The following FTO variants were observed in gnomAD, a reference collection of about 807,000 sequenced individuals.
FTO encodes the protein alpha-ketoglutarate-dependent dioxygenase FTO.
Under a neutral mutation model 63.9 loss-of-function variants are expected in FTO, and 47 were observed. The ratio of observed to expected loss-of-function variants is 0.74; its 90% CI spans 0.58 to 0.94. The LOEUF (loss-of-function observed/expected upper bound fraction) is 0.94, where lower values mean the gene tolerates loss of function less well. Ranked by LOEUF, FTO falls within the 40% of genes least tolerant of loss-of-function variation. The probability of loss-of-function intolerance (pLI) is 0.00; values close to 1 mark genes in which losing one functional copy is unlikely to be tolerated. For synonymous variants in FTO, 207 were observed against 224.4 expected, an observed-to-expected ratio of 0.92 and a Z score of 0.69; for missense variants, 562 against 618.1, an observed-to-expected ratio of 0.91 and a Z score of 0.96.
chr16:53,740,984 G>C (rs1010358235), intron 1 of FTO, among the ~76,000 whole-genome samples: 1 of 152,170 alleles, frequency 6.6e-6, no homozygotes, highest in African/African-American at 2.4e-5. Flanking sequence ...CCTGCCACTT[G>C]TTTTTTAATC....
chr16:53,867,150 T>C (rs1249190968), intron 4 of FTO, among the ~76,000 whole-genome samples: 1 of 152,140 alleles, frequency 6.6e-6, no homozygotes, highest in Non-Finnish European at 1.5e-5. Flanking sequence ...TAGAAGTATA[T>C]TGTTCTATCT....
intron 1 of FTO, among the ~76,000 whole-genome samples, chr16:53,704,547 A>T (rs1294689848): frequency 1.3e-5 from 2 of 152,164 alleles, no homozygotes; most frequent in Admixed American, 6.5e-5. Flanking sequence ...GATGACTGTG[A>T]TCATACCAGC....
chr16:53,706,572 T>C (rs2075627332), intron 1 of FTO, among the ~76,000 whole-genome samples: 1 of 152,346 alleles, frequency 6.6e-6, no homozygotes, highest in South Asian at 2.1e-4. Context: ...AATGATTTTT[T>C]TTTCAAAATA....
intron 8 of FTO, among the ~76,000 whole-genome samples, chr16:53,966,373 C>T (rs1489817921): frequency 1.3e-5 from 2 of 152,182 alleles, no homozygotes; most frequent in Non-Finnish European, 2.9e-5. Flanking sequence ...TTGATTATGA[C>T]AGAATGCCAG....
chr16:54,056,112 C>T (rs746415544), intron 8 of FTO, among the ~76,000 whole-genome samples: 3 of 152,116 alleles, frequency 2.0e-5, no homozygotes, highest in Admixed American at 6.6e-5. Context: ...ATGACTAGTG[C>T]GTAACAATAG....
At chr16:53,793,717 C>T (rs760085868) in intron 1 of FTO, among the ~76,000 whole-genome samples, 34 of 151,878 alleles carry the variant, frequency 2.2e-4, no homozygotes, top group Non-Finnish European at 4.1e-4. Context: ...GAGCCGAGAG[C>T]GAGACTCCGT....
chr16:54,072,139 C>T (rs549302597), intron 8 of FTO: 2 of 152,124 alleles, frequency 1.3e-5, no homozygotes, highest in East Asian at 1.9e-4. Flanking sequence ...GAAGGCATGC[C>T]GGCAAAATAA....
At chr16:53,851,661 A>G (rs1447963419) in intron 4 of FTO, among the ~76,000 whole-genome samples, 1 of 152,176 alleles carries the variant, frequency 6.6e-6, no homozygotes, top group African/African-American at 2.4e-5. Context: ...TGTATTTTTA[A>G]AAAACATAAA....
At chr16:53,769,662 T>A (rs1558902) in intron 1 of FTO, among the ~76,000 whole-genome samples, 46,845 of 151,962 alleles carry the variant, frequency 0.31, 8,797 homozygotes, top group Non-Finnish European at 0.42. Flanking sequence ...TTTACATTAG[T>A]TAGGGTAGGT....
chr16:54,056,867 G>C (rs561101985), intron 8 of FTO, among the ~76,000 whole-genome samples: 1 of 152,210 alleles, frequency 6.6e-6, no homozygotes, highest in Non-Finnish European at 1.5e-5. Flanking sequence ...GAGGTAATTT[G>C]TTACCCGGCA....
Position 54,010,793 on chromosome 16 carries a change from G to A in FTO, c.1364+76684G>A, listed in dbSNP as rs931567431. Among the ~76,000 whole-genome samples the A allele has an allele frequency of 2.0e-5, 3 of 152,176 alleles. No individual in the cohort carries two copies. The East Asian group carries it at 5.8e-4, about 29-fold the overall frequency. On this transcript the variant is annotated intron_variant, in intron 8 of 8. Transcript: ENST00000471389. ...TGAACGGCCAGGTGTTCTTTCAACT[G>A]AACTGTGAGACTAATTTCTTCCTGG...
At chr16:53,845,789 C>G (rs2079601441) in intron 4 of FTO, among the ~76,000 whole-genome samples, 1 of 152,218 alleles carries the variant, frequency 6.6e-6, no homozygotes, top group Non-Finnish European at 1.5e-5. Context: ...TGGTACCAGT[C>G]TGAGACTTTC....
At chr16:53,853,928 A>G (rs2079894318) in intron 4 of FTO, among the ~76,000 whole-genome samples, 1 of 152,132 alleles carries the variant, frequency 6.6e-6, no homozygotes, top group Non-Finnish European at 1.5e-5. Context: ...AGTAATTTAC[A>G]TTTCCACCCC....
intron 8 of FTO, among the ~76,000 whole-genome samples, chr16:53,985,670 G>A (rs1034583119): frequency 4.6e-5 from 7 of 152,152 alleles, no homozygotes; most frequent in Non-Finnish European, 8.8e-5. Flanking sequence ...ACCAAATGTA[G>A]GGCCCGAGTG....
intron 8 of FTO, among the ~76,000 whole-genome samples, chr16:53,972,980 A>G (rs1263524915): frequency 2.0e-5 from 3 of 152,170 alleles, no homozygotes; most frequent in Non-Finnish European, 4.4e-5. Context: ...TTTTCTTTAT[A>G]CTTCATCCCC....
intron 1 of FTO, among the ~76,000 whole-genome samples, chr16:53,766,758 A>G (rs1162307238): frequency 1.3e-5 from 2 of 152,122 alleles, no homozygotes; most frequent in Non-Finnish European, 2.9e-5. Flanking sequence ...TCTTCTTTTC[A>G]TGAATCATTG....
chr16:53,769,898 T>C (rs775590169), intron 1 of FTO, among the ~76,000 whole-genome samples: 15 of 152,132 alleles, frequency 9.9e-5, no homozygotes, highest in Non-Finnish European at 2.1e-4. Flanking sequence ...CCTTAGGTTA[T>C]CTCTATTCCA....
chr16:54,054,034 A>G (rs1416525785), intron 8 of FTO, among the ~76,000 whole-genome samples: 5 of 151,106 alleles, frequency 3.3e-5, no homozygotes, highest in Non-Finnish European at 4.4e-5. Context: ...TTCCTTGAAC[A>G]CTTTCTGCAG....
intron 1 of FTO, among the ~76,000 whole-genome samples, chr16:53,762,305 C>T (rs1000578785): frequency 2.6e-5 from 4 of 152,130 alleles, no homozygotes; most frequent in African/African-American, 9.7e-5. Flanking sequence ...TCTCTAAAGT[C>T]ATCCTTTTTA....
Sources: gnomAD v4.1 joint callset for allele counts (sites outside exome capture counted in the v4.1 genomes callset) on GRCh38, gnomAD v4.1.1 for gene constraint, MANE v1.5 for transcripts, NCBI Gene and HGNC (gene_info 2026-07-23, HGNC 2026-07-21) for gene names.